The following UBAP2 variants were observed in gnomAD, a reference collection of about 807,000 sequenced individuals.
UBAP2 encodes ubiquitin associated protein 2.
A neutral mutation model predicts 139.6 loss-of-function variants in UBAP2; 75 were observed. The observed-to-expected ratio is 0.54, with a 90% CI of 0.45 to 0.65. The LOEUF (loss-of-function observed/expected upper bound fraction) is 0.65. Among genes scored for constraint, UBAP2 ranks in the 30% least tolerant of loss-of-function variants. The probability of loss-of-function intolerance (pLI) is 0.00; values close to 1 mark genes in which losing one functional copy is unlikely to be tolerated. For missense variants in UBAP2, 1,368 were observed against 1,369.6 expected (o/e 1.00, Z 0.02); for synonymous variants, 526 against 526.2 (o/e 1.00, Z 0.01).
chr9:33,983,922 T>C (rs1820981442), intron 6 of UBAP2, among the ~76,000 whole-genome samples: 1 of 149,982 alleles, frequency 6.7e-6, no homozygotes, highest in Non-Finnish European at 1.5e-5. Context: ...CCTGGGATTT[T>C]TTTATTTGAG....
At position 34,038,719 on chromosome 9, in the gene UBAP2, G is replaced by A. The variant is rs374294705; in HGVS notation, c.-42+10106C>T. Among the ~76,000 whole-genome samples the A allele has an allele frequency of 6.6e-5, 10 of 152,282 alleles. No homozygotes were observed. The East Asian group carries it at 1.9e-3, about 29-fold the overall frequency. On this transcript the variant is annotated intron_variant, in intron 1 of 28. Coordinates refer to ENST00000379238, the MANE Select transcript of UBAP2 (RefSeq NM_001370062.2). ...CCGGCCGCCACCCCGTCTGGGAAGT[G>A]AGGAGCATCTCTGCCTGGCCGCCCA...
chr9:34,001,590 ACCGTAAC>A (rs1822706984), intron 2 of UBAP2, among the ~76,000 whole-genome samples: 1 of 152,210 alleles, frequency 6.6e-6, no homozygotes, highest in Admixed American at 6.5e-5. Flanking sequence ...GCACTTTTTT[ACCGTAAC>A]CCTTGGTCCA....
chr9:33,960,913 ACAAAGTCAAATACAGTCTCAGTC>A (rs1564031825), intron 9 of UBAP2, 35 bp from the exon 10 acceptor site: 1 of 1,604,458 alleles, frequency 6.2e-7, no homozygotes, highest in Non-Finnish European at 8.5e-7. Flanking sequence ...AGTTTATACC[ACAAAGTCAAATACAGTCTCAGTC>A]CAAATGATTC....
intron 1 of UBAP2, among the ~76,000 whole-genome samples, chr9:34,024,684 A>G (rs1825257685): frequency 6.6e-6 from 1 of 152,092 alleles, no homozygotes; most frequent in African/African-American, 2.4e-5. Context: ...TATTAATTTT[A>G]CATAAAACTT....
At chr9:33,940,533 T>C (rs1049537605) in intron 16 of UBAP2, among the ~76,000 whole-genome samples, 1 of 152,144 alleles carries the variant, frequency 6.6e-6, no homozygotes, top group Non-Finnish European at 1.5e-5. Context: ...CCCAGCACTT[T>C]GGAAGAAGGC....
In UBAP2 at chr9:33,955,278, TAGG is replaced by T. The variant is rs373957432; in HGVS notation, c.866+798_866+800del. ...GCTCACACCTGTAATCCCAGCACTT[TAGG>T]AGGCCGAGGCTGGCGGATCACGAGG... On this transcript the variant is annotated intron_variant, in intron 11 of 28. Coordinates refer to ENST00000379238, the MANE Select transcript of UBAP2 (RefSeq NM_001370062.2). 8.4e-3 allele frequency among the ~76,000 whole-genome samples: 1,284 copies of T among 152,056 alleles called. 15 individuals are homozygous for T. Among genetic ancestry groups the T allele is most frequent in the African/African-American group, 0.029 (1,199 of 41,468 alleles).
chr9:33,943,370 ATCTC>A lies in UBAP2; in HGVS notation c.1715+46_1715+49del, dbSNP rs550287812. The A allele has an allele frequency of 6.1e-5, 95 of 1,564,458 alleles. No homozygotes were observed. The East Asian group carries it at 2.0e-3, about 32-fold the overall frequency. On this transcript the variant is annotated intron_variant, in intron 15 of 28. Transcript: ENST00000379238. ...AGGATGTATTCTTTTCCACCAGTTG[ATCTC>A]TCTTAGGGTCTATTTTGCTTCATAA...
chr9:34,028,255 C>T (rs568265915), intron 1 of UBAP2, among the ~76,000 whole-genome samples: 20 of 152,212 alleles, frequency 1.3e-4, no homozygotes, highest in Admixed American at 1.2e-3. Flanking sequence ...GATATCGTCA[C>T]AATTCTCTTT....
chr9:34,011,441 C>T (rs1823742242), intron 2 of UBAP2, among the ~76,000 whole-genome samples: 1 of 151,790 alleles, frequency 6.6e-6, no homozygotes. Context: ...AGTCATTTAA[C>T]AATAACAATA....
chr9:34,042,326 A>G (rs1184672607), intron 1 of UBAP2, among the ~76,000 whole-genome samples: 1 of 151,570 alleles, frequency 6.6e-6, no homozygotes, highest in South Asian at 2.1e-4. Flanking sequence ...AAAATACAAA[A>G]AATTAGCCAG....
At chr9:34,043,999 G>A (rs1161436881) in intron 1 of UBAP2, among the ~76,000 whole-genome samples, 1 of 150,216 alleles carries the variant, frequency 6.7e-6, no homozygotes, top group African/African-American at 2.5e-5. Flanking sequence ...ACGGTGGCAG[G>A]CTAATCGCTT....
intron 2 of UBAP2, among the ~76,000 whole-genome samples, chr9:34,013,319 C>A (rs1299340677): frequency 2.0e-5 from 3 of 151,362 alleles, no homozygotes; most frequent in Non-Finnish European, 4.4e-5. Flanking sequence ...GGAGGCGGAG[C>A]TGGGTGGATC....
At chr9:34,023,483 C>A (rs1417503913) in intron 1 of UBAP2, among the ~76,000 whole-genome samples, 1 of 152,166 alleles carries the variant, frequency 6.6e-6, no homozygotes, top group Non-Finnish European at 1.5e-5. Context: ...ATAACGCAAA[C>A]TATTAAAATT....
intron 6 of UBAP2, among the ~76,000 whole-genome samples, chr9:33,985,256 G>A (rs898545592): frequency 1.3e-5 from 2 of 152,050 alleles, no homozygotes; most frequent in African/African-American, 4.8e-5. Flanking sequence ...GTGGTACTTT[G>A]TTACATGCAG....
chr9:34,039,204 C>T (rs192612192), intron 1 of UBAP2, among the ~76,000 whole-genome samples: 1,782 of 151,244 alleles, frequency 0.012, 36 homozygotes, highest in African/African-American at 0.04. Context: ...GGGCAGCCCC[C>T]GCCCGGCCAG....
At chr9:33,989,195 G>C in intron 4 of UBAP2, 69 bp from the exon 5 acceptor site, 1 of 1,332,962 alleles carries the variant, frequency 7.5e-7, no homozygotes, top group Non-Finnish European at 9.9e-7. Context: ...GCACATGCAT[G>C]TATCTTTCTT....
chr9:34,039,145 G>A (rs896052430), intron 1 of UBAP2, among the ~76,000 whole-genome samples: 7 of 151,890 alleles, frequency 4.6e-5, no homozygotes, highest in Admixed American at 2.0e-4. Context: ...TCTGGGAGGT[G>A]GGGGGCAGCC....
intron 12 of UBAP2, among the ~76,000 whole-genome samples, chr9:33,949,192 AAATAAAATAAAATAAT>A (rs1825890605): frequency 6.6e-6 from 1 of 150,616 alleles, no homozygotes; most frequent in African/African-American, 2.4e-5. Flanking sequence ...AAATAAATAA[AAATAAAATAAAATAAT>A]AAAAAGTGAT....
chr9:33,972,058 A>G (rs1357668521), intron 7 of UBAP2, among the ~76,000 whole-genome samples: 2 of 152,250 alleles, frequency 1.3e-5, no homozygotes, highest in Non-Finnish European at 2.9e-5. Flanking sequence ...AAGGCAGAAT[A>G]AGAGCTCTTA....
Sources: allele counts gnomAD v4.1 joint callset (sites outside exome capture counted in the v4.1 genomes callset), GRCh38; gene constraint gnomAD v4.1.1; transcripts MANE v1.5; gene names NCBI Gene and HGNC (gene_info 2026-07-23, HGNC 2026-07-21).